Variants in CLRN1 observed in about 807,000 individuals in gnomAD.
CLRN1 encodes clarin 1.
CLRN1 carries 15 observed loss-of-function variants against 18.7 expected under a neutral mutation model. That is an observed-to-expected ratio of 0.80 (90% CI 0.54 to 1.23). The LOEUF is 1.23. CLRN1 is among the 50% of genes most tolerant of loss of function. CLRN1 has a pLI of 0.00. For missense variants in CLRN1, 311 were observed against 277.5 expected (o/e 1.12, Z -0.86); for synonymous variants, 104 against 102.9 (o/e 1.01, Z -0.07).
intron 2 of CLRN1, among the ~76,000 whole-genome samples, chr3:150,933,678 G>A (rs1370957531): frequency 1.3e-5 from 2 of 152,148 alleles, no homozygotes; most frequent in Admixed American, 6.6e-5. Flanking sequence ...TACATTCTGA[G>A]TAGGATAAGA....
rs767828112 is a variant in CLRN1 at position 150,941,649 on chromosome 3, A to G, written c.366T>C (p.Asn122=). The part of the protein sequence containing the change: ...TMVGTAFFMY[N]AFGKPFETLH... ...GAGTTTCAAAAGGTTTTCCAAAAGC[A>G]TTGTACATGAAGAAGGCTGTCCCCA... Residue 122 remains asparagine (N), a synonymous_variant, in exon 2 of 3, where the codon AAT becomes AAC. Coordinates refer to ENST00000327047, the MANE Select transcript of CLRN1 (RefSeq NM_174878.3). 2.5e-6 allele frequency: 4 copies of G among 1,614,132 alleles called. No individual in the cohort carries two copies. The highest frequency in any genetic ancestry group is 3.4e-6 in the Non-Finnish European group (4 of 1,179,974).
chr3:150,947,031 G>T (rs1714214104), intron 1 of CLRN1, among the ~76,000 whole-genome samples: 1 of 151,686 alleles, frequency 6.6e-6, no homozygotes, highest in South Asian at 2.1e-4. Context: ...CTGAGTATTA[G>T]ATGATATTTT....
intron 1 of CLRN1, among the ~76,000 whole-genome samples, chr3:150,962,644 AATC>A (rs1715091283): frequency 6.6e-6 from 1 of 152,300 alleles, no homozygotes; most frequent in East Asian, 1.9e-4. Flanking sequence ...GCTGTGGTGA[AATC>A]ATTGCTGTGG....
chr3:150,968,315 T>C (rs1288449515), intron 1 of CLRN1, among the ~76,000 whole-genome samples: 1 of 152,210 alleles, frequency 6.6e-6, no homozygotes, highest in African/African-American at 2.4e-5. Flanking sequence ...AACATCATCA[T>C]TAAAATTTTA....
intron 2 of CLRN1, among the ~76,000 whole-genome samples, chr3:150,940,983 C>T (rs969670553): frequency 1.3e-5 from 2 of 151,924 alleles, no homozygotes; most frequent in African/African-American, 4.8e-5. Flanking sequence ...TTTTTGATGC[C>T]ATTTATTTAT....
chr3:150,947,630 C>T (rs1714246073), intron 1 of CLRN1, among the ~76,000 whole-genome samples: 1 of 152,174 alleles, frequency 6.6e-6, no homozygotes, highest in South Asian at 2.1e-4. Context: ...GGCACATACT[C>T]TAAAATCAAC....
In CLRN1 at chr3:150,972,547, C is replaced by G. The variant is rs777120673; in HGVS notation, c.162G>C (p.Leu54=). Residue 54 remains leucine, a synonymous_variant, in exon 1 of 3, where the codon CTG becomes CTC. Coordinates refer to ENST00000327047, the MANE Select transcript of CLRN1 (RefSeq NM_174878.3). ...ALLVNASGQE[L]DKFMGEMQYG... ...ACTGCATTTCACCCATAAACTTGTC[C>G]AGCTCCTGCCCTGAGGCATTGACGA... The G allele has an allele frequency of 5.6e-6, 9 of 1,614,222 alleles. No homozygotes were observed. In the South Asian group the frequency reaches 8.8e-5, roughly 16 times the overall value.
intron 2 of CLRN1, among the ~76,000 whole-genome samples, chr3:150,939,874 C>A (rs184965452): frequency 1.3e-5 from 2 of 152,266 alleles, no homozygotes; most frequent in Non-Finnish European, 2.9e-5. Context: ...CTGCCCACAC[C>A]CTGAGCCTGT....
At chr3:150,936,770 C>T (rs1245955465) in intron 2 of CLRN1, among the ~76,000 whole-genome samples, 2 of 152,158 alleles carry the variant, frequency 1.3e-5, no homozygotes, top group African/African-American at 4.8e-5. Flanking sequence ...ACTGATCTCT[C>T]TAACCTCATT....
chr3:150,927,817 G>C lies in CLRN1; in HGVS notation c.*119C>G. On this transcript the variant is annotated 3_prime_UTR_variant, in exon 3 of 3. Coordinates refer to ENST00000327047, the MANE Select transcript of CLRN1 (RefSeq NM_174878.3). The stretch of plus-strand genomic sequence containing the variant: ...CCTTAGTACGTAATTTGTAAACATT[G>C]TCACGAAGGGTCCTGATGCTTTAAT... 5 of 1,222,286 alleles carry C rather than the reference G, an allele frequency of 4.1e-6. No individual in the cohort carries two copies. The highest frequency in any genetic ancestry group is 6.0e-6 in the Non-Finnish European group (5 of 834,142). 75.7% of individuals were successfully genotyped at this position (1,222,286 alleles called of 1,614,324 possible). A position where few individuals can be genotyped will look rare whatever the true frequency, so the allele number is the denominator to read the frequency against.
chr3:150,951,739 C>T (rs770163641), intron 1 of CLRN1, among the ~76,000 whole-genome samples: 2 of 152,136 alleles, frequency 1.3e-5, no homozygotes, highest in African/African-American at 2.4e-5. Flanking sequence ...GGGAATTTAA[C>T]AATCATGGTG....
chr3:150,926,405 C>G (rs6764182), downstream of CLRN1: 40,640 of 310,944 alleles, frequency 0.13, 3,006 homozygotes, highest in Non-Finnish European at 0.15. Context: ...TCCTCCTAGC[C>G]CACTCATTTC....
intron 2 of CLRN1, among the ~76,000 whole-genome samples, chr3:150,928,992 A>G (rs1157224413): frequency 6.6e-6 from 1 of 152,204 alleles, no homozygotes; most frequent in Admixed American, 6.5e-5. Flanking sequence ...TTTTGGACCA[A>G]TGTGGCCCCA....
chr3:150,929,899 A>G (rs1410008677), intron 2 of CLRN1, among the ~76,000 whole-genome samples: 1 of 152,190 alleles, frequency 6.6e-6, no homozygotes, highest in Non-Finnish European at 1.5e-5. Context: ...TGTCTCCTTT[A>G]GGACAGGTAA....
intron 2 of CLRN1, among the ~76,000 whole-genome samples, chr3:150,941,130 G>GTCTA (rs1294940340): frequency 3.1e-5 from 1 of 31,998 alleles, no homozygotes; most frequent in Non-Finnish European, 9.0e-5. Context: ...TGTATTGTCT[G>GTCTA]TCTGTCTGTC....
At position 150,927,549 on chromosome 3, in the gene CLRN1, T is replaced by C. The variant is rs1712872291; in HGVS notation, c.*387A>G. 1 of 458,310 alleles carries C rather than the reference T, an allele frequency of 2.2e-6. No individual in the cohort carries two copies. Among genetic ancestry groups the C allele is most frequent in the Admixed American group, 2.3e-5 (1 of 42,660 alleles). 28.4% of individuals were successfully genotyped at this position (458,310 alleles called of 1,614,324 possible). ...GTTTTCTGAAATCTGGCAACAAATG[T>C]GTGGATATATTAGAGATATTATTTG... On this transcript the variant is annotated 3_prime_UTR_variant, in exon 3 of 3. Coordinates refer to ENST00000327047, the MANE Select transcript of CLRN1 (RefSeq NM_174878.3).
At chr3:150,938,988 A>G (rs891965020) in intron 2 of CLRN1, among the ~76,000 whole-genome samples, 6 of 152,134 alleles carry the variant, frequency 3.9e-5, no homozygotes, top group African/African-American at 1.4e-4. Context: ...CTGTCAAATA[A>G]TTTGTCTTCC....
intron 1 of CLRN1, among the ~76,000 whole-genome samples, chr3:150,957,007 C>T (rs1030799112): frequency 1.4e-5 from 2 of 142,386 alleles, no homozygotes; most frequent in Non-Finnish European, 3.1e-5. Flanking sequence ...CATTGCCACC[C>T]ATCTACACCT....
Position 150,972,720 on chromosome 3 carries a change from G to A in CLRN1, c.-12C>T. The A allele has an allele frequency of 1.2e-6, 2 of 1,614,210 alleles. No individual in the cohort carries two copies. The highest frequency in any genetic ancestry group is 1.1e-5 in the South Asian group (1 of 91,086). The stretch of plus-strand genomic sequence containing the variant: ...TGTTGGCTTGGCATGATGAGAAACG[G>A]CTTCTGTGAGGGCGAGGTTCAAAAA... On this transcript the variant is annotated 5_prime_UTR_variant, in exon 1 of 3. Transcript: ENST00000327047.
Sources: gnomAD v4.1 joint callset for allele counts (sites outside exome capture counted in the v4.1 genomes callset) on GRCh38, gnomAD v4.1.1 for gene constraint, MANE v1.5 for transcripts, NCBI Gene and HGNC (gene_info 2026-07-23, HGNC 2026-07-21) for gene names.